Variants in SNTB2 observed in about 807,000 individuals in gnomAD.
SNTB2 encodes syntrophin beta 2.
Under a neutral mutation model 46.2 loss-of-function variants are expected in SNTB2, and 34 were observed. That is an observed-to-expected ratio of 0.74 (90% CI 0.56 to 0.98). The LOEUF is 0.98. Among genes scored for constraint, SNTB2 ranks in the 50% least tolerant of loss-of-function variants. The probability of loss-of-function intolerance (pLI) is 0.00; values close to 1 mark genes in which losing one functional copy is unlikely to be tolerated. For missense variants in SNTB2, 603 were observed against 731.4 expected (o/e 0.82, Z 2.02); for synonymous variants, 290 against 312.6 (o/e 0.93, Z 0.76).
intron 1 of SNTB2, among the ~76,000 whole-genome samples, chr16:69,232,181 G>T (rs1339728274): frequency 1.3e-5 from 2 of 150,482 alleles, no homozygotes; most frequent in African/African-American, 4.9e-5. Context: ...TAAATTCATT[G>T]TAAAAGGCCA....
chr16:69,274,459 C>T (rs1035547755), intron 4 of SNTB2, among the ~76,000 whole-genome samples: 126 of 151,912 alleles, frequency 8.3e-4, no homozygotes, highest in Non-Finnish European at 2.2e-4. Context: ...TGAGACCATC[C>T]TGGCTAACAC....
At chr16:69,201,364 A>G (rs1182954022) in intron 1 of SNTB2, among the ~76,000 whole-genome samples, 3 of 152,196 alleles carry the variant, frequency 2.0e-5, no homozygotes, top group Admixed American at 6.6e-5. Context: ...TCTTAAATGT[A>G]GATCTGTATT....
At position 69,292,390 on chromosome 16, in the gene SNTB2, TTATATATA is replaced by T. The variant is rs1233537704; in HGVS notation, c.1346-7190_1346-7183del. 2.4e-4 allele frequency among the ~76,000 whole-genome samples: 3 copies of T among 12,750 alleles called. 1 individual carries two copies. Among genetic ancestry groups the T allele is most frequent in the African/African-American group, 5.4e-4 (1 of 1,838 alleles). The allele number at this position is 12,750 out of a possible 152,430, so 8.4% of individuals were successfully genotyped here. A position where few individuals can be genotyped will look rare whatever the true frequency, so the allele number is the denominator to read the frequency against. On this transcript the variant is annotated intron_variant, in intron 5 of 6. Transcript: ENST00000336278. ...TATATATATATATATTATATATATATTATATATATATATATATTATATATATATTATAT... is the reference window on the plus strand; with the variant it reads ...TATATATATATATATTATATATATATTATATATATTATATATATATTATAT...
rs889068336 is a variant in SNTB2, at chr16:69,220,154, ATTTTTT to A, written c.581-25427_581-25422del. On this transcript the variant is annotated intron_variant, in intron 1 of 6. Transcript: ENST00000336278. Reference sequence around the variant, plus strand: ...GTATGTTCCAATGCAAGAAAGTCAGATTTTTTTTTTTTTTTTTTTTTTTTTTGAGAC... The same window carrying A: ...GTATGTTCCAATGCAAGAAAGTCAGATTTTTTTTTTTTTTTTTTTTGAGAC... 1.0e-4 allele frequency among the ~76,000 whole-genome samples: 10 copies of A among 97,578 alleles called. No homozygotes were observed. The East Asian group carries it at 2.7e-3, about 26-fold the overall frequency. 64.0% of individuals were successfully genotyped at this position (97,578 alleles called of 152,430 possible).
chr16:69,284,030 C>T lies in SNTB2; in HGVS notation c.1149-18C>T. 1 of 1,581,822 alleles carries T rather than the reference C, an allele frequency of 6.3e-7. No homozygotes were observed. The highest frequency in any genetic ancestry group is 1.1e-5 in the South Asian group (1 of 87,258). On this transcript the variant is annotated intron_variant, in intron 4 of 6. Transcript: ENST00000336278. ...ATAATGTAGTTACTTTTGATCTCTG[C>T]TCTGTTTGTGGTCCTAGGTTGGTTC...
intron 1 of SNTB2, among the ~76,000 whole-genome samples, chr16:69,192,956 A>G (rs1356351297): frequency 6.6e-6 from 1 of 152,114 alleles, no homozygotes; most frequent in Admixed American, 6.6e-5. Context: ...TGGTTTTTCT[A>G]CATTTTTCTT....
Position 69,272,032 on chromosome 16 carries a change from A to G in SNTB2, c.1148+1747A>G, listed in dbSNP as rs543848622. Among the ~76,000 whole-genome samples, 11 of 152,336 alleles carry G rather than the reference A, an allele frequency of 7.2e-5. No individual in the cohort carries two copies. The South Asian group carries it at 2.3e-3, about 32-fold the overall frequency. On this transcript the variant is annotated intron_variant, in intron 4 of 6. Transcript: ENST00000336278. ...AACTATAAAACTCGTAGAATAAAAT[A>G]TAGTAGATCTTCATGACTTTGGGTT...
rs549599211 is a variant in SNTB2, at chr16:69,212,742, C to T, written c.580+24996C>T. On this transcript the variant is annotated intron_variant, in intron 1 of 6. Coordinates refer to ENST00000336278, the MANE Select transcript of SNTB2 (RefSeq NM_006750.4). ...CTCCGCCTCCTGGGTTCAAGCGATT[C>T]TCCTGCCTCAGCCTCCTGAGTAGCT... 2.4e-3 allele frequency among the ~76,000 whole-genome samples: 361 copies of T among 152,308 alleles called. 2 individuals carry two copies. The highest frequency in any genetic ancestry group is 6.7e-3 in the African/African-American group (278 of 41,568).
At chr16:69,210,956 A>C (rs1964278263) in intron 1 of SNTB2, among the ~76,000 whole-genome samples, 1 of 151,748 alleles carries the variant, frequency 6.6e-6, no homozygotes, top group Non-Finnish European at 1.5e-5. Context: ...GCACCACTCC[A>C]CTCCAGCCTG....
chr16:69,205,558 C>T (rs898695707), intron 1 of SNTB2, among the ~76,000 whole-genome samples: 1 of 152,038 alleles, frequency 6.6e-6, no homozygotes, highest in Non-Finnish European at 1.5e-5. Flanking sequence ...GAATAAAGGT[C>T]TTCAGTTTTA....
At chr16:69,209,831 C>T (rs1016700219) in intron 1 of SNTB2, among the ~76,000 whole-genome samples, 3 of 151,864 alleles carry the variant, frequency 2.0e-5, no homozygotes, top group Non-Finnish European at 4.4e-5. Flanking sequence ...CTTATATAAC[C>T]GAATGAGTCC....
chr16:69,265,240 C>A (rs1046548489), intron 3 of SNTB2, among the ~76,000 whole-genome samples: 2 of 152,216 alleles, frequency 1.3e-5, no homozygotes, highest in Admixed American at 1.3e-4. Flanking sequence ...CAAAGCGAGA[C>A]TCTGTCAAAA....
chr16:69,245,671 G>A lies in SNTB2; in HGVS notation c.650G>A (p.Gly217Asp), dbSNP rs1964663645. The change falls in exon 2 of 7, where the codon GGT (glycine) becomes GAT (aspartate). Residue 217 changes from glycine to aspartate, a missense_variant. Gly to Asp is a moderately conservative substitution (Grantham distance 94, BLOSUM62 -1). Around this residue, in one of 2 missense-constraint regions of SNTB2, gnomAD observed 537 missense variants for 692.4 expected, o/e 0.78. Transcript: ENST00000336278. ...PSLVSDLPWE[G>D]AAPQSPSFSG... ...TTAGTATCAGATCTGCCGTGGGAAG[G>A]TGCAGCCCCCCAGTCACCAAGCTTT... 5 of 1,614,034 alleles carry A rather than the reference G, an allele frequency of 3.1e-6. No individual in the cohort carries two copies. The highest frequency in any genetic ancestry group is 1.7e-6 in the Non-Finnish European group (2 of 1,180,018).
chr16:69,280,433 G>A (rs547780822), intron 4 of SNTB2, among the ~76,000 whole-genome samples: 2 of 152,036 alleles, frequency 1.3e-5, no homozygotes, highest in Admixed American at 1.3e-4. Flanking sequence ...TCCCAGTAGG[G>A]GCGGCCGGGC....
intron 1 of SNTB2, among the ~76,000 whole-genome samples, chr16:69,221,955 C>T (rs911065065): frequency 6.6e-6 from 1 of 152,146 alleles, no homozygotes; most frequent in South Asian, 2.1e-4. Context: ...CTACTGAAGC[C>T]TCTGGTTGCA....
chr16:69,200,703 G>A (rs984229062), intron 1 of SNTB2, among the ~76,000 whole-genome samples: 2 of 152,038 alleles, frequency 1.3e-5, no homozygotes, highest in Admixed American at 6.6e-5. Context: ...AAATAGAGAT[G>A]GGGGTCTTGC....
intron 2 of SNTB2, among the ~76,000 whole-genome samples, chr16:69,248,535 G>A (rs1964693078): frequency 6.6e-6 from 1 of 152,178 alleles, no homozygotes; most frequent in Non-Finnish European, 1.5e-5. Context: ...GGAAGGCCAA[G>A]GCAGGAGAAT....
At chr16:69,229,234 C>T (rs1022403194) in intron 1 of SNTB2, among the ~76,000 whole-genome samples, 4 of 152,056 alleles carry the variant, frequency 2.6e-5, no homozygotes, top group African/African-American at 4.8e-5. Flanking sequence ...TGCAGTGGCA[C>T]GATCAAGACA....
intron 4 of SNTB2, among the ~76,000 whole-genome samples, chr16:69,275,393 A>G (rs2143133232): frequency 6.6e-6 from 1 of 152,356 alleles, no homozygotes; most frequent in South Asian, 2.1e-4. Context: ...AGTTTAATTA[A>G]TGTAACAACA....
Sources: allele counts gnomAD v4.1 joint callset (sites outside exome capture counted in the v4.1 genomes callset), GRCh38; gene constraint gnomAD v4.1.1; regional missense constraint gnomAD v4.1.1; transcripts MANE v1.5; gene names NCBI Gene and HGNC (gene_info 2026-07-23, HGNC 2026-07-21).